The following MARCHF11 variants were observed in gnomAD, a reference collection of about 807,000 sequenced individuals.
The protein encoded by MARCHF11 is E3 ubiquitin-protein ligase MARCHF11.
MARCHF11 carries 29 observed loss-of-function variants against 37.3 expected under a neutral mutation model. The ratio of observed to expected loss-of-function variants is 0.78; its 90% confidence interval spans 0.58 to 1.06. The LOEUF is 1.06. Ranked by LOEUF, MARCHF11 falls within the 50% of genes least tolerant of loss-of-function variation. The pLI, the probability that MARCHF11 is intolerant of heterozygous loss-of-function variation, is 0.00. For missense variants in MARCHF11, 482 were observed against 533.4 expected (o/e 0.90, Z 0.95); for synonymous variants, 233 against 228.0 (o/e 1.02, Z -0.20).
At chr5:16,068,652 CAT>C (rs1373521399) in intron 3 of MARCHF11, among the ~76,000 whole-genome samples, 1 of 152,238 alleles carries the variant, frequency 6.6e-6, no homozygotes, top group Non-Finnish European at 1.5e-5. Flanking sequence ...TGCACTAGCA[CAT>C]GTGTCATCTC....
At chr5:16,104,859 C>T (rs1479527734) in intron 2 of MARCHF11, among the ~76,000 whole-genome samples, 1 of 152,140 alleles carries the variant, frequency 6.6e-6, no homozygotes, top group Non-Finnish European at 1.5e-5. Flanking sequence ...TTTTCCTCAC[C>T]TTTAAAATTG....
At chr5:16,094,856 A>T (rs1736840199) in intron 2 of MARCHF11, among the ~76,000 whole-genome samples, 1 of 152,204 alleles carries the variant, frequency 6.6e-6, no homozygotes, top group South Asian at 2.1e-4. Context: ...GGACTGATAC[A>T]GGCCAGGCAC....
At chr5:16,150,511 A>T (rs1281890380) in intron 2 of MARCHF11, among the ~76,000 whole-genome samples, 2 of 149,524 alleles carry the variant, frequency 1.3e-5, no homozygotes, top group Admixed American at 1.3e-4. Flanking sequence ...TGGGATCTAC[A>T]AACAGGTTTA....
chr5:16,171,626 C>T (rs572713618), intron 2 of MARCHF11, among the ~76,000 whole-genome samples: 1 of 152,316 alleles, frequency 6.6e-6, no homozygotes, highest in African/African-American at 2.4e-5. Flanking sequence ...TTTATTTATA[C>T]AGTGTCTGTG....
intron 2 of MARCHF11, among the ~76,000 whole-genome samples, chr5:16,104,849 T>C (rs1336860548): frequency 1.3e-5 from 2 of 152,302 alleles, no homozygotes; most frequent in East Asian, 3.9e-4. Context: ...AAAGAACCTA[T>C]TTTCCTCACC....
At chr5:16,078,246 C>G (rs948401087) in intron 3 of MARCHF11, among the ~76,000 whole-genome samples, 3 of 152,122 alleles carry the variant, frequency 2.0e-5, no homozygotes, top group Non-Finnish European at 2.9e-5. Flanking sequence ...ATTGCTTCAT[C>G]TGTGCCTTTG....
At chr5:16,177,016 C>T (rs1019177375) in intron 2 of MARCHF11, among the ~76,000 whole-genome samples, 4 of 151,988 alleles carry the variant, frequency 2.6e-5, no homozygotes, top group Admixed American at 6.5e-5. Context: ...ATCTGTTTCA[C>T]GATAAATTTT....
intron 2 of MARCHF11, among the ~76,000 whole-genome samples, chr5:16,144,928 T>C (rs1579410216): frequency 6.6e-6 from 1 of 152,156 alleles, no homozygotes; most frequent in Non-Finnish European, 1.5e-5. Flanking sequence ...TGACAGATGA[T>C]AGAAATGAGA....
intron 2 of MARCHF11, among the ~76,000 whole-genome samples, chr5:16,157,380 G>C (rs147046109): frequency 6.6e-4 from 101 of 151,966 alleles, no homozygotes; most frequent in African/African-American, 2.4e-3. Context: ...ACCCTGAATA[G>C]CTAAAGCAAT....
intron 2 of MARCHF11, 56 bp from the exon 3 acceptor site, chr5:16,091,137 A>AG: frequency 1.5e-6 from 2 of 1,361,258 alleles, no homozygotes; most frequent in Non-Finnish European, 1.9e-6. Context: ...AAAAAAGAAA[A>AG]AAAAACATTT....
chr5:16,097,786 A>T (rs1456861624), intron 2 of MARCHF11, among the ~76,000 whole-genome samples: 1 of 152,214 alleles, frequency 6.6e-6, no homozygotes, highest in Non-Finnish European at 1.5e-5. Flanking sequence ...TCAATCTGAC[A>T]TAGTCTGTCT....
chr5:16,068,603 G>T (rs762822127), intron 3 of MARCHF11, among the ~76,000 whole-genome samples: 1 of 152,174 alleles, frequency 6.6e-6, no homozygotes, highest in Non-Finnish European at 1.5e-5. Context: ...GGAAAATAAA[G>T]TAATACAGCA....
chr5:16,138,353 C>T (rs6861740), intron 2 of MARCHF11, among the ~76,000 whole-genome samples: 77,931 of 152,088 alleles, frequency 0.51, 20,851 homozygotes, highest in African/African-American at 0.68. Flanking sequence ...GCAGCTTACA[C>T]GTGGTGTTGG....
chr5:16,152,053 A>G (rs530126391), intron 2 of MARCHF11, among the ~76,000 whole-genome samples: 3 of 152,118 alleles, frequency 2.0e-5, no homozygotes, highest in African/African-American at 7.2e-5. Flanking sequence ...TGATCCTAAT[A>G]TTAATAGCTA....
At chr5:16,137,610 C>A (rs1737629224) in intron 2 of MARCHF11, among the ~76,000 whole-genome samples, 1 of 152,140 alleles carries the variant, frequency 6.6e-6, no homozygotes, top group African/African-American at 2.4e-5. Flanking sequence ...AACTGGGTAA[C>A]AGGCAGAGGT....
At chr5:16,171,939 T>G (rs1342526721) in intron 2 of MARCHF11, among the ~76,000 whole-genome samples, 1 of 152,134 alleles carries the variant, frequency 6.6e-6, no homozygotes, top group Non-Finnish European at 1.5e-5. Flanking sequence ...CAAAGGGAAA[T>G]GCACTTAAAA....
At chr5:16,096,198 T>C (rs577387533) in intron 2 of MARCHF11, among the ~76,000 whole-genome samples, 2 of 152,356 alleles carry the variant, frequency 1.3e-5, no homozygotes, top group South Asian at 2.1e-4. Context: ...GAAAGGTGGC[T>C]GTGGCAATGG....
chr5:16,072,335 T>C (rs2126543755), intron 3 of MARCHF11, among the ~76,000 whole-genome samples: 1 of 151,964 alleles, frequency 6.6e-6, no homozygotes, highest in South Asian at 2.1e-4. Flanking sequence ...TAAACATTTG[T>C]GTCCCCAGTG....
intron 2 of MARCHF11, among the ~76,000 whole-genome samples, chr5:16,134,736 A>T (rs1279457232): frequency 6.6e-6 from 1 of 152,192 alleles, no homozygotes; most frequent in Non-Finnish European, 1.5e-5. Flanking sequence ...TAAGAAAGTG[A>T]CTAAATAAGT....
Sources: gnomAD v4.1 joint callset for allele counts (sites outside exome capture counted in the v4.1 genomes callset) on GRCh38, gnomAD v4.1.1 for gene constraint, MANE v1.5 for transcripts, NCBI Gene and HGNC (gene_info 2026-07-23, HGNC 2026-07-21) for gene names.